Variants in GOLM2 observed in about 807,000 individuals in gnomAD.
GOLM2 encodes the protein golgi membrane protein 2.
GOLM2 carries 26 observed loss-of-function variants against 55.9 expected under a neutral mutation model. The observed-to-expected ratio is 0.47, with a 90% confidence interval of 0.34 to 0.65. GOLM2 has a LOEUF of 0.65. Among genes scored for constraint, GOLM2 ranks in the 30% least tolerant of loss-of-function variants. GOLM2 has a pLI of 0.01. For missense variants in GOLM2, 486 were observed against 531.8 expected (o/e 0.91, Z 0.85); for synonymous variants, 165 against 194.6 (o/e 0.85, Z 1.27).
At chr15:44,316,754 CAA>C (rs545702797) in intron 1 of GOLM2, among the ~76,000 whole-genome samples, 5 of 84,184 alleles carry the variant, frequency 5.9e-5, no homozygotes, top group Non-Finnish European at 4.9e-5. Flanking sequence ...GACTCTGTCT[CAA>C]AAAAAAAAAA....
At chr15:44,412,056 C>T (rs2079642137) in intron 9 of GOLM2, among the ~76,000 whole-genome samples, 1 of 151,984 alleles carries the variant, frequency 6.6e-6, no homozygotes, top group Non-Finnish European at 1.5e-5. Context: ...GTCCCAGCTA[C>T]CTGGGAGGTT....
intron 9 of GOLM2, among the ~76,000 whole-genome samples, chr15:44,409,209 G>A (rs1173642280): frequency 6.7e-6 from 1 of 148,650 alleles, no homozygotes; most frequent in African/African-American, 2.5e-5. Flanking sequence ...GCGTGAACCC[G>A]GGAGGCAGAG....
chr15:44,350,436 A>G (rs2079153791), intron 6 of GOLM2, among the ~76,000 whole-genome samples: 1 of 152,164 alleles, frequency 6.6e-6, no homozygotes, highest in Non-Finnish European at 1.5e-5. Flanking sequence ...GTAATATAAA[A>G]CTTGAACAGA....
chr15:44,391,489 C>G (rs2079488998), intron 8 of GOLM2, among the ~76,000 whole-genome samples: 1 of 150,578 alleles, frequency 6.6e-6, no homozygotes, highest in Non-Finnish European at 1.5e-5. Flanking sequence ...TGTACTCCAG[C>G]CTGGGCGACA....
At chr15:44,292,220 CAG>C (rs1303062280) in intron 1 of GOLM2, among the ~76,000 whole-genome samples, 4 of 141,832 alleles carry the variant, frequency 2.8e-5, no homozygotes, top group Non-Finnish European at 6.0e-5. Context: ...TTTTTTTAGA[CAG>C]AGTCTCGCTC....
At chr15:44,352,704 G>A (rs57459307) in intron 6 of GOLM2, among the ~76,000 whole-genome samples, 1,698 of 152,074 alleles carry the variant, frequency 0.011, 39 homozygotes, top group African/African-American at 0.039. Flanking sequence ...TCAGAAGTTC[G>A]AGACCAGCCT....
chr15:44,360,100 G>A (rs1021987306), intron 6 of GOLM2, among the ~76,000 whole-genome samples: 4 of 152,150 alleles, frequency 2.6e-5, no homozygotes, highest in Admixed American at 2.0e-4. Context: ...GCAAAATCAT[G>A]CCAAAATGTA....
chr15:44,361,648 A>G (rs1438610228), intron 6 of GOLM2, among the ~76,000 whole-genome samples: 1 of 128,520 alleles, frequency 7.8e-6, no homozygotes, highest in Non-Finnish European at 1.7e-5. Context: ...TCCTTCTGAA[A>G]CTATTCCAAT....
intron 6 of GOLM2, among the ~76,000 whole-genome samples, chr15:44,352,393 G>A (rs1203769353): frequency 5.3e-5 from 8 of 152,130 alleles, no homozygotes; most frequent in African/African-American, 1.9e-4. Context: ...CTAGCTCCCT[G>A]TCTCTCACCA....
intron 9 of GOLM2, among the ~76,000 whole-genome samples, chr15:44,407,657 C>G (rs1006146602): frequency 1.3e-5 from 2 of 151,938 alleles, no homozygotes; most frequent in Non-Finnish European, 2.9e-5. Flanking sequence ...CTATATTGCC[C>G]AGGCTGGTTT....
intron 8 of GOLM2, among the ~76,000 whole-genome samples, chr15:44,400,505 C>T (rs2079557439): frequency 6.7e-6 from 1 of 150,104 alleles, no homozygotes; most frequent in Non-Finnish European, 1.5e-5. Context: ...TTAGTAGACA[C>T]AGGGTTTCTC....
At chr15:44,359,991 C>G (rs1049185079) in intron 6 of GOLM2, among the ~76,000 whole-genome samples, 5 of 151,270 alleles carry the variant, frequency 3.3e-5, no homozygotes, top group African/African-American at 1.2e-4. Flanking sequence ...ACTTTACAGA[C>G]AAGCAAATGC....
intron 1 of GOLM2, among the ~76,000 whole-genome samples, chr15:44,317,481 C>T (rs1417949776): frequency 6.6e-6 from 1 of 152,162 alleles, no homozygotes; most frequent in Non-Finnish European, 1.5e-5. Flanking sequence ...TTAGGTTCTG[C>T]AAATGAAGGA....
intron 9 of GOLM2, among the ~76,000 whole-genome samples, chr15:44,411,286 T>C (rs1018389115): frequency 2.0e-5 from 3 of 151,840 alleles, no homozygotes; most frequent in Non-Finnish European, 2.9e-5. Flanking sequence ...CCTCCCAAAG[T>C]GCTGGGATTG....
intron 6 of GOLM2, among the ~76,000 whole-genome samples, chr15:44,367,751 C>T (rs950785030): frequency 6.6e-6 from 1 of 150,948 alleles, no homozygotes; most frequent in Admixed American, 6.6e-5. Flanking sequence ...GCCGAGACCA[C>T]GCCACTGCAT....
chr15:44,302,146 A>ATTT (rs374509457), intron 1 of GOLM2, among the ~76,000 whole-genome samples: 1 of 141,118 alleles, frequency 7.1e-6, no homozygotes. Flanking sequence ...TTTACATTTA[A>ATTT]TTTTTTTTTT....
At chr15:44,410,853 A>T (rs1006571476) in intron 9 of GOLM2, among the ~76,000 whole-genome samples, 1 of 144,928 alleles carries the variant, frequency 6.9e-6, no homozygotes, top group Non-Finnish European at 1.5e-5. Context: ...CAGTGAGCCG[A>T]GATTGTGCCA....
chr15:44,307,792 C>T (rs1430246973), intron 1 of GOLM2: 1 of 152,038 alleles, frequency 6.6e-6, no homozygotes, highest in African/African-American at 2.4e-5. Context: ...TTAACTTCCT[C>T]AGGAAGTCAA....
intron 9 of GOLM2, among the ~76,000 whole-genome samples, chr15:44,412,948 A>C (rs2079648107): frequency 6.6e-6 from 1 of 151,798 alleles, no homozygotes; most frequent in African/African-American, 2.4e-5. Context: ...GGTTGCAGTG[A>C]GCCAAGATCG....
Sources: gnomAD v4.1 joint callset for allele counts (sites outside exome capture counted in the v4.1 genomes callset) on GRCh38, gnomAD v4.1.1 for gene constraint, MANE v1.5 for transcripts, NCBI Gene and HGNC (gene_info 2026-07-23, HGNC 2026-07-21) for gene names.